Variants in KCNMA1 observed in about 807,000 individuals in gnomAD.
KCNMA1 encodes Calcium-activated potassium channel subunit alpha-1.
A neutral mutation model predicts 140.0 loss-of-function variants in KCNMA1; 29 were observed. The observed-to-expected ratio is 0.21, with a 90% confidence interval of 0.15 to 0.28. KCNMA1 has a LOEUF of 0.28. KCNMA1 is among the 10% of genes least tolerant of loss of function. The pLI is 1.00. For synonymous variants in KCNMA1, 612 were observed against 611.9 expected, an observed-to-expected ratio of 1.00 and a Z score of 0.00; for missense variants, 880 against 1,602.2, an observed-to-expected ratio of 0.55 and a Z score of 7.70.
At chr10:76,913,890 A>G in intron 24 of KCNMA1, 2 of 608,044 alleles carry the variant, frequency 3.3e-6, no homozygotes, top group Non-Finnish European at 5.8e-6. Context: ...AGGCCAGAAC[A>G]AGACAGTCGA....
At chr10:77,105,984 T>G (rs1421147186) in intron 9 of KCNMA1, among the ~76,000 whole-genome samples, 1 of 152,216 alleles carries the variant, frequency 6.6e-6, no homozygotes, top group Non-Finnish European at 1.5e-5. Context: ...TTCATCAATC[T>G]TGTTTTACTG....
chr10:77,636,731 C>A, intron 1 of KCNMA1: 1 of 1,498,080 alleles, frequency 6.7e-7, no homozygotes, highest in Non-Finnish European at 8.9e-7. Context: ...CCCGGGATTC[C>A]CTTGTGCAAA....
Position 77,012,015 on chromosome 10 carries a change from C to T in KCNMA1, c.2044G>A (p.Asp682Asn). 1.2e-6 allele frequency: 2 copies of T among 1,613,886 alleles called. No individual in the cohort carries two copies. Among genetic ancestry groups the T allele is most frequent in the Non-Finnish European group, 1.7e-6 (2 of 1,179,890 alleles). ...ATTCTTTTGGGATCTGTGATGTCATCATGACAGGCCTTGCAGTAAAAAAAT... is the reference window on the plus strand; with the variant it reads ...ATTCTTTTGGGATCTGTGATGTCATTATGACAGGCCTTGCAGTAAAAAAAT... ...RAFFYCKACH[D>N]DITDPKRIKK... The change falls in exon 18 of 28, where the codon GAT becomes AAT. Residue 682 changes from aspartate (D) to asparagine (N), a missense_variant. Coordinates refer to ENST00000286628, the MANE Select transcript of KCNMA1 (RefSeq NM_001161352.2).
At chr10:77,380,680 G>C (rs778295755) in intron 2 of KCNMA1, among the ~76,000 whole-genome samples, 163 of 152,088 alleles carry the variant, frequency 1.1e-3, no homozygotes, top group Non-Finnish European at 1.9e-3. Flanking sequence ...TCTGAGCCCA[G>C]CACATAGTAG....
At chr10:77,147,051 C>A (rs559927753) in intron 5 of KCNMA1, among the ~76,000 whole-genome samples, 12 of 152,290 alleles carry the variant, frequency 7.9e-5, no homozygotes, top group African/African-American at 2.9e-4. Flanking sequence ...AAAGAACGAA[C>A]AATGAAGCAC....
intron 19 of KCNMA1, among the ~76,000 whole-genome samples, chr10:76,978,087 T>C (rs1440866042): frequency 6.6e-6 from 1 of 152,240 alleles, no homozygotes; most frequent in African/African-American, 2.4e-5. Flanking sequence ...CAATAACTCC[T>C]GGATTCATCT....
chr10:77,536,171 T>TA (rs1392181834), intron 1 of KCNMA1, among the ~76,000 whole-genome samples: 1 of 152,232 alleles, frequency 6.6e-6, no homozygotes, highest in Non-Finnish European at 1.5e-5. Flanking sequence ...ATAAAACTAT[T>TA]ATGTATCCAT....
At chr10:77,277,633 T>G (rs540676950) in intron 2 of KCNMA1, among the ~76,000 whole-genome samples, 49 of 152,322 alleles carry the variant, frequency 3.2e-4, no homozygotes, top group African/African-American at 1.1e-3. Flanking sequence ...TCTGAACTTC[T>G]GGAATCACCA....
At chr10:76,910,162 A>G (rs766991108) in intron 24 of KCNMA1, 66 bp from the exon 25 acceptor site, 230 of 1,567,506 alleles carry the variant, frequency 1.5e-4, no homozygotes, top group Non-Finnish European at 1.8e-4. Flanking sequence ...CCAGAGGGAG[A>G]CCAGGCTACT....
chr10:76,881,921 C>T (rs921458782), downstream of KCNMA1, among the ~76,000 whole-genome samples: 3 of 152,098 alleles, frequency 2.0e-5, no homozygotes, highest in African/African-American at 7.2e-5. Flanking sequence ...GACTCTGTGC[C>T]TCTGAAATAC....
At chr10:77,023,972 G>A (rs1360850123) in intron 16 of KCNMA1, among the ~76,000 whole-genome samples, 1 of 152,152 alleles carries the variant, frequency 6.6e-6, no homozygotes, top group Admixed American at 6.5e-5. Flanking sequence ...TACTGGTGAG[G>A]ACTTACTCAG....
rs557637850 is a variant in KCNMA1, at chr10:77,549,503, C to G, written c.378+87762G>C. Among the ~76,000 whole-genome samples, 6 of 152,306 alleles carry G rather than the reference C, an allele frequency of 3.9e-5. No individual in the cohort carries two copies. The South Asian group carries it at 1.2e-3, about 32-fold the overall frequency. ...ATCTGCCTCTTTGGGCTGAACTCTC[C>G]TAGCAGGGGATTTTTAGAAGGGTGG... On this transcript the variant is annotated intron_variant, in intron 1 of 27. Transcript: ENST00000286628.
chr10:77,065,966 A>G (rs2153686789), intron 14 of KCNMA1, among the ~76,000 whole-genome samples: 1 of 152,300 alleles, frequency 6.6e-6, no homozygotes, highest in African/African-American at 2.4e-5. Context: ...AGACCAGCCC[A>G]AGGGAGTGTG....
At chr10:77,094,772 G>C (rs1387434081) in intron 9 of KCNMA1, among the ~76,000 whole-genome samples, 1 of 151,818 alleles carries the variant, frequency 6.6e-6, no homozygotes, top group Non-Finnish European at 1.5e-5. Flanking sequence ...TCAATCAGAG[G>C]TAATTGCAGC....
intron 1 of KCNMA1, among the ~76,000 whole-genome samples, chr10:77,609,695 A>C (rs989255964): frequency 1.3e-5 from 2 of 152,228 alleles, no homozygotes; most frequent in Non-Finnish European, 2.9e-5. Context: ...GTTGTATACA[A>C]TAAACAAGTA....
chr10:77,508,884 G>A (rs1410305190), intron 1 of KCNMA1, among the ~76,000 whole-genome samples: 1 of 152,054 alleles, frequency 6.6e-6, no homozygotes, highest in African/African-American at 2.4e-5. Flanking sequence ...TCTCATATAA[G>A]TGGAATCACA....
chr10:77,499,473 A>G (rs1329370212), intron 1 of KCNMA1, among the ~76,000 whole-genome samples: 1 of 151,750 alleles, frequency 6.6e-6, no homozygotes, highest in Admixed American at 6.6e-5. Flanking sequence ...ATATACACAT[A>G]CATACATATA....
intron 5 of KCNMA1, among the ~76,000 whole-genome samples, chr10:77,126,799 A>T (rs4980128): frequency 0.046 from 6,366 of 138,452 alleles, 468 homozygotes; most frequent in East Asian, 0.29. Context: ...TCAATTTGGG[A>T]TACTTTTTCC....
chr10:77,549,035 A>G (rs2062097564), intron 1 of KCNMA1, among the ~76,000 whole-genome samples: 1 of 152,208 alleles, frequency 6.6e-6, no homozygotes, highest in South Asian at 2.1e-4. Context: ...CCATTCATGG[A>G]CTAGACTCAC....
Sources: allele counts gnomAD v4.1 joint callset (sites outside exome capture counted in the v4.1 genomes callset), GRCh38; gene constraint gnomAD v4.1.1; transcripts MANE v1.5; gene names NCBI Gene and HGNC (gene_info 2026-07-23, HGNC 2026-07-21).